ZNF610: variants seen among roughly 807,000 people sequenced by gnomAD.
The protein encoded by ZNF610 is zink finger protein.
ZNF610 carries 14 observed loss-of-function variants against 14.1 expected under a neutral mutation model. The observed-to-expected ratio is 0.99, with a 90% CI of 0.65 to 1.55. The LOEUF (loss-of-function observed/expected upper bound fraction) is 1.55. ZNF610 is among the 40% of genes most tolerant of loss of function. The pLI is 0.00. For missense variants in ZNF610, 530 were observed against 558.0 expected (o/e 0.95, Z 0.51); for synonymous variants, 185 against 187.6 (o/e 0.99, Z 0.11).
upstream of ZNF610, among the ~76,000 whole-genome samples, chr19:52,334,587 T>C (rs1372369362): frequency 6.6e-6 from 1 of 152,086 alleles, no homozygotes; most frequent in Non-Finnish European, 1.5e-5. Flanking sequence ...ACAAATTTTC[T>C]AGGAAAATGT....
intron 5 of ZNF610, 108 bp from the exon 6 acceptor site, chr19:52,365,590 G>T: frequency 2.0e-6 from 2 of 984,648 alleles, no homozygotes; most frequent in South Asian, 1.6e-5. Context: ...AAAGTATGCC[G>T]ATACTTCTTC....
chr19:52,334,959 A>ACACACACACACACACACACACACAC (rs60779202), upstream of ZNF610, among the ~76,000 whole-genome samples: 13 of 146,622 alleles, frequency 8.9e-5, no homozygotes, highest in South Asian at 2.1e-4. Context: ...ACACACACAC[A>ACACACACACACACACACACACACAC]ATGTAATTTA....
intron 3 of ZNF610, among the ~76,000 whole-genome samples, chr19:52,351,524 T>C (rs1201487124): frequency 6.6e-6 from 1 of 151,724 alleles, no homozygotes; most frequent in Non-Finnish European, 1.5e-5. Flanking sequence ...TCAGGGACCA[T>C]GTGTGCCATT....
intron 5 of ZNF610, among the ~76,000 whole-genome samples, chr19:52,355,039 C>T (rs1366083338): frequency 1.3e-5 from 2 of 152,216 alleles, no homozygotes; most frequent in Non-Finnish European, 2.9e-5. Context: ...TTTTCACCCT[C>T]GAGTGGTGTT....
chr19:52,342,446 T>G (rs575712782), intron 1 of ZNF610, among the ~76,000 whole-genome samples: 44 of 152,240 alleles, frequency 2.9e-4, no homozygotes, highest in Non-Finnish European at 1.3e-4. Flanking sequence ...AGCAGCAATT[T>G]GCACAGCCGA....
At chr19:52,332,540 AT>A (rs1240254498), upstream of ZNF610, among the ~76,000 whole-genome samples, 1 of 152,222 alleles carries the variant, frequency 6.6e-6, no homozygotes, top group Non-Finnish European at 1.5e-5. The surrounding 1 kb of genome is among the most constrained non-coding windows in gnomAD (Gnocchi z 4.1). Context: ...CCAACTGAAA[AT>A]AAAAAACAGG....
chr19:52,355,262 C>G (rs192458003), intron 5 of ZNF610, among the ~76,000 whole-genome samples: 14 of 152,256 alleles, frequency 9.2e-5, no homozygotes, highest in African/African-American at 3.4e-4. Flanking sequence ...AGACCTGCCC[C>G]CTTGACCTAT....
intron 1 of ZNF610, among the ~76,000 whole-genome samples, chr19:52,340,544 A>G (rs1984637819): frequency 1.3e-5 from 2 of 152,076 alleles, no homozygotes; most frequent in South Asian, 2.1e-4. Flanking sequence ...ATAGTGATGG[A>G]ATGATCTGTC....
chr19:52,333,195 C>T (rs994550332), upstream of ZNF610, among the ~76,000 whole-genome samples: 8 of 152,162 alleles, frequency 5.3e-5, no homozygotes, highest in African/African-American at 9.7e-5. Flanking sequence ...CTCAGTAATG[C>T]AAAATCGGCA....
At chr19:52,351,956 T>C (rs1176838048) in intron 3 of ZNF610, among the ~76,000 whole-genome samples, 7 of 152,136 alleles carry the variant, frequency 4.6e-5, no homozygotes, top group Non-Finnish European at 7.4e-5. Context: ...TGGTGCTTCT[T>C]TGGGGTGCAG....
Position 52,366,503 on chromosome 19 carries a change from C to T in ZNF610, c.1125C>T (p.Asn375=), listed in dbSNP as rs774200538. The T allele has an allele frequency of 6.2e-6, 10 of 1,613,982 alleles. No homozygotes were observed. The African/African-American group carries it at 6.7e-5, about 11-fold the overall frequency. ...GTACAGAGAAGCCCTACAAATGTAA[C>T]GAATGTGGAAGAGCATTTCACAAGC... The part of the protein sequence containing the change: ...IHSTEKPYKC[N]ECGRAFHKRP... Residue 375 remains asparagine (N), a synonymous_variant, in exon 6 of 6, where the codon AAC becomes AAT. Transcript: ENST00000403906.
At chr19:52,349,030 C>T in intron 2 of ZNF610, 124 bp from the exon 3 acceptor site, 1 of 656,282 alleles carries the variant, frequency 1.5e-6, no homozygotes, top group Admixed American at 2.8e-5. Context: ...TGCATCAACT[C>T]TGGTGCAGTG....
chr19:52,359,209 A>G (rs1600238894), intron 5 of ZNF610, among the ~76,000 whole-genome samples: 1 of 152,362 alleles, frequency 6.6e-6, no homozygotes, highest in East Asian at 1.9e-4. Flanking sequence ...AGTTCACTGA[A>G]TCTGTAGATC....
intron 5 of ZNF610, among the ~76,000 whole-genome samples, chr19:52,354,786 A>T (rs913638072): frequency 1.3e-5 from 2 of 151,376 alleles, no homozygotes; most frequent in Non-Finnish European, 2.9e-5. Context: ...ACCATGTTGG[A>T]CAGGTGGGTC....
At chr19:52,331,868 C>T (rs1291936478), upstream of ZNF610, among the ~76,000 whole-genome samples, 1 of 152,182 alleles carries the variant, frequency 6.6e-6, no homozygotes, top group African/African-American at 2.4e-5. Flanking sequence ...TCCACATTTG[C>T]CCCCTTTGTT....
Position 52,347,913 on chromosome 19 carries a change from AG to A in ZNF610, c.-50del, listed in dbSNP as rs1985041666. On this transcript the variant is annotated 5_prime_UTR_variant, in exon 2 of 6. Coordinates refer to ENST00000403906, the MANE Select transcript of ZNF610 (RefSeq NM_001161425.2). ...ACCACACACTCACTGACTCATCCAG[AG>A]CAATTTCTAGTCCTGCAAGCGCCAT... The A allele has an allele frequency of 6.6e-6, 1 of 152,342 alleles. No homozygotes were observed. The highest frequency in any genetic ancestry group is 1.5e-5 in the Non-Finnish European group (1 of 68,034). The allele number at this position is 152,342 out of a possible 1,614,324, so 9.4% of individuals were successfully genotyped here.
At chr19:52,331,847 T>C (rs1984221874), upstream of ZNF610, among the ~76,000 whole-genome samples, 1 of 152,344 alleles carries the variant, frequency 6.6e-6, no homozygotes, top group South Asian at 2.1e-4. Context: ...TATACTCTCT[T>C]GTCTTTTATT....
chr19:52,350,978 AAACAAG>A (rs1985222635), intron 3 of ZNF610, among the ~76,000 whole-genome samples: 1 of 151,868 alleles, frequency 6.6e-6, no homozygotes. Context: ...TCAGCCTTGG[AAACAAG>A]AGCAAAACTC....
rs1985996061 is a variant in ZNF610 at position 52,365,827 on chromosome 19, A to C, written c.449A>C (p.Gln150Pro). 6.2e-7 allele frequency: 1 copy of C among 1,614,102 alleles called. No homozygotes were observed. Among genetic ancestry groups the C allele is most frequent in the Admixed American group, 1.7e-5 (1 of 60,006 alleles). The change falls in exon 6 of 6, where the codon CAA becomes CCA. Residue 150 changes from glutamine (Q) to proline (P), a missense_variant. Transcript: ENST00000403906. ...GGAAGGAAAATTTACAGAAGTAATC[A>C]AGTTGAAAAGTTTACAAACCATCGT... Reference protein sequence around the residue: ...QAGRKIYRSNQVEKFTNHRSS... With the variant: ...QAGRKIYRSNPVEKFTNHRSS...
Sources: gnomAD v4.1 joint callset for allele counts (sites outside exome capture counted in the v4.1 genomes callset) on GRCh38, gnomAD v4.1.1 for gene constraint, Gnocchi (gnomAD v3.1) non-coding constraint, MANE v1.5 for transcripts, NCBI Gene and HGNC (gene_info 2026-07-23, HGNC 2026-07-21) for gene names.